The following FMN1 variants were observed in gnomAD, a reference collection of about 807,000 sequenced individuals.
FMN1 encodes formin-1.
In FMN1, 110 loss-of-function variants were observed where a neutral mutation model predicts 132.4. The observed-to-expected ratio is 0.83, with a 90% CI of 0.71 to 0.97. FMN1 has a LOEUF of 0.97. Among genes scored for constraint, FMN1 ranks in the 50% least tolerant of loss-of-function variants. FMN1 has a pLI of 0.00. For missense variants in FMN1, 1,792 were observed against 1,705.3 expected (o/e 1.05, Z -0.90); for synonymous variants, 722 against 651.7 (o/e 1.11, Z -1.64).
chr15:33,067,090 G>A (rs770957189), intron 5 of FMN1: 1 of 1,613,986 alleles, frequency 6.2e-7, no homozygotes, highest in Non-Finnish European at 8.5e-7. Flanking sequence ...TCTCTCCAGA[G>A]ACTTCTTTTT....
chr15:32,899,845 T>A (rs555251964), intron 14 of FMN1, 134 bp downstream of exon 14: 67 of 848,826 alleles, frequency 7.9e-5, no homozygotes, highest in South Asian at 9.8e-5. Context: ...AACAAAAAAA[T>A]GCATGCTCTA....
chr15:33,025,262 A>G (rs1231636790), intron 6 of FMN1, among the ~76,000 whole-genome samples: 1 of 152,202 alleles, frequency 6.6e-6, no homozygotes, highest in Admixed American at 6.5e-5. Flanking sequence ...TCAAAATGAT[A>G]TGAAATATCC....
chr15:32,963,890 A>T (rs1422158423), intron 9 of FMN1, among the ~76,000 whole-genome samples: 1 of 151,774 alleles, frequency 6.6e-6, no homozygotes, highest in Admixed American at 6.6e-5. Context: ...AAACCAGGGA[A>T]AGCACCAACA....
intron 9 of FMN1, among the ~76,000 whole-genome samples, chr15:32,952,791 T>C (rs550757347): frequency 6.6e-6 from 1 of 152,218 alleles, no homozygotes; most frequent in Non-Finnish European, 1.5e-5. Context: ...TTAATGAAAA[T>C]GAAAACACGA....
chr15:32,828,014 T>C (rs1975678), intron 17 of FMN1, among the ~76,000 whole-genome samples: 33,494 of 151,686 alleles, frequency 0.22, 4,060 homozygotes, highest in East Asian at 0.52. Context: ...GGACCCAGGC[T>C]GGGTGTGGTG....
intron 16 of FMN1, among the ~76,000 whole-genome samples, chr15:32,878,508 T>C (rs985233334): frequency 6.6e-6 from 1 of 152,130 alleles, no homozygotes; most frequent in Admixed American, 6.5e-5. Context: ...ATGAATTGAT[T>C]CCAGACACTT....
chr15:33,000,947 G>A (rs1378130441), intron 7 of FMN1, among the ~76,000 whole-genome samples: 10 of 152,140 alleles, frequency 6.6e-5, no homozygotes, highest in Admixed American at 6.5e-4. Flanking sequence ...AAGCACACAG[G>A]CACAAGTACA....
intron 19 of FMN1, among the ~76,000 whole-genome samples, chr15:32,787,097 G>T (rs1448535913): frequency 6.6e-6 from 1 of 152,136 alleles, no homozygotes; most frequent in Non-Finnish European, 1.5e-5. Flanking sequence ...ATCGCACGAG[G>T]TTAACTGCTA....
chr15:33,102,401 T>C (rs1242679815), intron 4 of FMN1, among the ~76,000 whole-genome samples: 1 of 152,146 alleles, frequency 6.6e-6, no homozygotes, highest in Non-Finnish European at 1.5e-5. Context: ...ACTCCAAAGC[T>C]AGACTATTCT....
At chr15:33,069,522 A>G (rs1440432354) in intron 5 of FMN1, among the ~76,000 whole-genome samples, 1 of 152,240 alleles carries the variant, frequency 6.6e-6, no homozygotes, top group African/African-American at 2.4e-5. Flanking sequence ...AAGGAAAATG[A>G]CAGTCTTGCT....
intron 4 of FMN1, among the ~76,000 whole-genome samples, chr15:33,139,708 G>A (rs1216595429): frequency 3.3e-5 from 5 of 152,234 alleles, no homozygotes; most frequent in Admixed American, 3.3e-4. Flanking sequence ...GAATGTGGAA[G>A]AAAGGAGAGC....
At chr15:32,971,349 C>A (rs2928022) in intron 7 of FMN1, among the ~76,000 whole-genome samples, 124,020 of 152,170 alleles carry the variant, frequency 0.82, 50,706 homozygotes, top group East Asian at 0.97. Context: ...CAGGCATAAA[C>A]CTAGGAAAAG....
rs561286702 is a variant in FMN1, at chr15:32,765,975, T to A, written c.*8335A>T. The stretch of plus-strand genomic sequence containing the variant: ...CAAACAAATTAGAAATACGTATTTT[T>A]AAAAATGCAAAGGGAAAAATACCTG... On this transcript the variant is annotated 3_prime_UTR_variant, in exon 21 of 21. Coordinates refer to ENST00000616417, the MANE Select transcript of FMN1 (RefSeq NM_001277313.2). The A allele has an allele frequency of 6.6e-6, 1 of 152,182 alleles. No individual in the cohort carries two copies. Among genetic ancestry groups the A allele is most frequent in the Non-Finnish European group, 1.5e-5 (1 of 68,034 alleles). The allele number at this position is 152,182 out of a possible 1,614,324, so 9.4% of individuals were successfully genotyped here.
intron 5 of FMN1, among the ~76,000 whole-genome samples, chr15:33,072,270 A>G (rs1267111894): frequency 1.3e-5 from 2 of 152,204 alleles, no homozygotes; most frequent in East Asian, 1.9e-4. Context: ...TGCAGTCTTC[A>G]TGAGATGTGA....
At position 33,153,930 on chromosome 15, in the gene FMN1, C is replaced by T; in HGVS notation, c.985G>A (p.Val329Met). 1 of 1,536,800 alleles carries T rather than the reference C, an allele frequency of 6.5e-7. No homozygotes were observed. Reference sequence around the variant, plus strand: ...GACAGGTCCTGAACTTTGGCCACCACTTTGGAGACAGGTTTCTGCTTGCAA... The same window carrying T: ...GACAGGTCCTGAACTTTGGCCACCATTTTGGAGACAGGTTTCTGCTTGCAA... ...RTCKQKPVSKVVAKVQDLSSQ... is the reference protein window; with the variant it reads ...RTCKQKPVSKMVAKVQDLSSQ... The change falls in exon 4 of 21, where the codon GTG (valine) becomes ATG (methionine). Residue 329 changes from valine to methionine, a missense_variant. Transcript: ENST00000616417.
chr15:32,792,823 T>G (rs1434276743), intron 19 of FMN1, among the ~76,000 whole-genome samples: 1 of 152,124 alleles, frequency 6.6e-6, no homozygotes, highest in Non-Finnish European at 1.5e-5. Flanking sequence ...GTGTGCCCCC[T>G]TACACGTTGG....
chr15:33,124,689 T>C (rs1308363424), intron 4 of FMN1, among the ~76,000 whole-genome samples: 1 of 152,192 alleles, frequency 6.6e-6, no homozygotes, highest in Non-Finnish European at 1.5e-5. Context: ...CCTTTCATTT[T>C]CAGAAACTGA....
chr15:33,078,760 G>A (rs760306067), intron 5 of FMN1, among the ~76,000 whole-genome samples: 1 of 152,076 alleles, frequency 6.6e-6, no homozygotes, highest in African/African-American at 2.4e-5. Context: ...AGCTCATATG[G>A]GTTGTAATTT....
At chr15:33,109,360 C>A (rs1207112461) in intron 4 of FMN1, among the ~76,000 whole-genome samples, 2 of 151,940 alleles carry the variant, frequency 1.3e-5, no homozygotes, top group East Asian at 3.9e-4. Flanking sequence ...ATTTTAAACA[C>A]CATTAGTAAT....
Sources: gnomAD v4.1 joint callset for allele counts (sites outside exome capture counted in the v4.1 genomes callset) on GRCh38, gnomAD v4.1.1 for gene constraint, MANE v1.5 for transcripts, NCBI Gene and HGNC (gene_info 2026-07-23, HGNC 2026-07-21) for gene names.